UBE2H: variants seen among roughly 807,000 people sequenced by gnomAD.
The protein encoded by UBE2H is ubiquitin-conjugating enzyme E2 H.
UBE2H carries 3 observed loss-of-function variants against 29.0 expected under a neutral mutation model. The observed-to-expected ratio is 0.10, with a 90% CI of 0.05 to 0.27. UBE2H has a LOEUF of 0.27. Among genes scored for constraint, UBE2H ranks in the 10% least tolerant of loss-of-function variants. The pLI is 1.00. For missense variants in UBE2H, 68 were observed against 228.2 expected (o/e 0.30, Z 4.52); for synonymous variants, 69 against 82.9 (o/e 0.83, Z 0.91).
chr7:129,948,036 T>C (rs1316965818), intron 1 of UBE2H, among the ~76,000 whole-genome samples: 1 of 152,164 alleles, frequency 6.6e-6, no homozygotes, highest in Non-Finnish European at 1.5e-5. Flanking sequence ...ATATTTTTAG[T>C]ACAAGTACAT....
intron 1 of UBE2H, among the ~76,000 whole-genome samples, chr7:129,935,817 C>G (rs1424144747): frequency 6.6e-6 from 1 of 152,110 alleles, no homozygotes; most frequent in Non-Finnish European, 1.5e-5. Context: ...TCTCAACTTT[C>G]ATCTGTTTTT....
At chr7:129,879,816 T>A (rs982575344) in intron 2 of UBE2H, among the ~76,000 whole-genome samples, 174 bp from the exon 3 acceptor site, 16 of 152,250 alleles carry the variant, frequency 1.1e-4, no homozygotes, top group Non-Finnish European at 2.4e-4. Context: ...AAGATACTTT[T>A]CTTGGAAAGA....
chr7:129,854,279 G>A (rs1221629194), intron 5 of UBE2H, among the ~76,000 whole-genome samples: 2 of 151,976 alleles, frequency 1.3e-5, no homozygotes, highest in African/African-American at 2.4e-5. Context: ...TCATCTGAAC[G>A]AACATATTCT....
chr7:129,948,203 A>G (rs556507172), intron 1 of UBE2H, among the ~76,000 whole-genome samples: 79 of 149,484 alleles, frequency 5.3e-4, no homozygotes, highest in Non-Finnish European at 9.5e-4. Flanking sequence ...TTGCCCAGGC[A>G]TGAGTGCAGT....
chr7:129,880,397 T>G (rs775281983), intron 2 of UBE2H, among the ~76,000 whole-genome samples: 9 of 152,080 alleles, frequency 5.9e-5, no homozygotes, highest in African/African-American at 9.7e-5. Flanking sequence ...TCCCAGCTAC[T>G]TCGAAGGCTG....
intron 1 of UBE2H, among the ~76,000 whole-genome samples, chr7:129,935,328 G>A (rs777134202): frequency 6.7e-6 from 1 of 150,228 alleles, no homozygotes; most frequent in African/African-American, 2.5e-5. Context: ...CAGGAGAATC[G>A]CTTGAACCCG....
chr7:129,935,019 G>A (rs118029478), intron 1 of UBE2H, among the ~76,000 whole-genome samples: 9,622 of 149,312 alleles, frequency 0.064, 369 homozygotes, highest in Non-Finnish European at 0.092. Flanking sequence ...GTGTGTGTGT[G>A]TATATATATA....
chr7:129,835,307 C>T (rs905522355), intron 6 of UBE2H, among the ~76,000 whole-genome samples: 27 of 152,184 alleles, frequency 1.8e-4, no homozygotes, highest in Admixed American at 7.9e-4. Context: ...GCAGGCTCAG[C>T]TTGCAGGGGA....
intron 1 of UBE2H, 91 bp from the exon 2 acceptor site, chr7:129,881,062 A>G (rs1212960694): frequency 1.6e-5 from 19 of 1,156,072 alleles, no homozygotes; most frequent in Non-Finnish European, 2.3e-5. Flanking sequence ...TTAAAGTGTT[A>G]CCAAAATTTG....
intron 1 of UBE2H, among the ~76,000 whole-genome samples, chr7:129,944,458 AC>A (rs1279666533): frequency 2.6e-5 from 4 of 151,604 alleles, no homozygotes; most frequent in African/African-American, 9.7e-5. Flanking sequence ...TTAAATTCAA[AC>A]TACGTGTTAA....
chr7:129,943,221 T>C (rs1045906537), intron 1 of UBE2H, among the ~76,000 whole-genome samples: 2 of 152,124 alleles, frequency 1.3e-5, no homozygotes, highest in African/African-American at 4.8e-5. Context: ...CAGGCTGGAC[T>C]GCAGTGGCAT....
chr7:129,864,856 C>T (rs1805870779), intron 3 of UBE2H, among the ~76,000 whole-genome samples: 1 of 151,964 alleles, frequency 6.6e-6, no homozygotes, highest in Admixed American at 6.6e-5. Context: ...CCGGCCACTA[C>T]CAGACATTTT....
chr7:129,879,487 T>G, intron 3 of UBE2H, 81 bp downstream of exon 3: 1 of 1,330,474 alleles, frequency 7.5e-7, no homozygotes, highest in Non-Finnish European at 1.1e-6. Context: ...TTTCTGGCAT[T>G]AATTACCTCC....
At chr7:129,909,096 A>C (rs1370784121) in intron 1 of UBE2H, among the ~76,000 whole-genome samples, 2 of 152,226 alleles carry the variant, frequency 1.3e-5, no homozygotes, top group East Asian at 3.8e-4. Flanking sequence ...CAGAGTTTTA[A>C]TTGAGACACT....
At chr7:129,904,820 G>A (rs1208374335) in intron 1 of UBE2H, among the ~76,000 whole-genome samples, 2 of 152,194 alleles carry the variant, frequency 1.3e-5, no homozygotes, top group Admixed American at 6.5e-5. Flanking sequence ...TACCAAAGAG[G>A]CAGTTAAGAG....
intron 1 of UBE2H, among the ~76,000 whole-genome samples, chr7:129,934,977 G>T (rs980573581): frequency 6.6e-6 from 1 of 150,748 alleles, no homozygotes; most frequent in South Asian, 2.1e-4. Context: ...GTGTATATAT[G>T]TGTGTGTATA....
At chr7:129,890,730 T>C (rs920194949) in intron 1 of UBE2H, among the ~76,000 whole-genome samples, 1 of 152,118 alleles carries the variant, frequency 6.6e-6, no homozygotes, top group African/African-American at 2.4e-5. Context: ...AGTTTTGTAA[T>C]GAAAGACACT....
At chr7:129,900,885 G>C (rs530792154) in intron 1 of UBE2H, among the ~76,000 whole-genome samples, 22 of 151,686 alleles carry the variant, frequency 1.5e-4, no homozygotes, top group African/African-American at 4.8e-4. Context: ...TGAGTAGCTG[G>C]GACTACAGGT....
chr7:129,951,910 G>A (rs1490047746), intron 1 of UBE2H, among the ~76,000 whole-genome samples: 1 of 152,302 alleles, frequency 6.6e-6, no homozygotes, highest in Non-Finnish European at 1.5e-5. Flanking sequence ...CCGGGGACCA[G>A]AAAGCTTAAC....
Sources: allele counts gnomAD v4.1 joint callset (sites outside exome capture counted in the v4.1 genomes callset), GRCh38; gene constraint gnomAD v4.1.1; transcripts MANE v1.5; gene names NCBI Gene and HGNC (gene_info 2026-07-23, HGNC 2026-07-21).